Variants in TMEM201 observed in about 807,000 individuals in gnomAD.
The protein encoded by TMEM201 is transmembrane protein 201.
In TMEM201, 26 loss-of-function variants were observed where a neutral mutation model predicts 63.4. The observed-to-expected ratio is 0.41, with a 90% CI of 0.30 to 0.57. The LOEUF (loss-of-function observed/expected upper bound fraction) is 0.57. Among genes scored for constraint, TMEM201 ranks in the 20% least tolerant of loss-of-function variants. The probability of loss-of-function intolerance (pLI) is 0.29; values close to 1 mark genes in which losing one functional copy is unlikely to be tolerated. For missense variants in TMEM201, 794 were observed against 917.7 expected, an observed-to-expected ratio of 0.87 and a Z score of 1.74; for synonymous variants, 417 against 421.6, an observed-to-expected ratio of 0.99 and a Z score of 0.14.
Position 9,601,292 on chromosome 1 carries a change from CCCCTGGGG to C in TMEM201, c.797_804del (p.Pro266ArgfsTer20). On this transcript the variant is annotated frameshift_variant, in exon 5 of 11. Transcript: ENST00000340381. LOFTEE classifies it high-confidence loss of function. ...TCAGCCACACCTGACAATGGCACCA[CCCCTGGGG>C]CCGAGGGCTGGCGGCAGTTGCTGGG... 6.2e-7 allele frequency: 1 copy of C among 1,610,314 alleles called. No homozygotes were observed. The highest frequency in any genetic ancestry group is 8.5e-7 in the Non-Finnish European group (1 of 1,179,846).
Position 9,612,976 on chromosome 1 carries a change from T to C in TMEM201, c.1904-10T>C. The C allele has an allele frequency of 6.4e-7, 1 of 1,551,510 alleles. No homozygotes were observed. Among genetic ancestry groups the C allele is most frequent in the Non-Finnish European group, 8.7e-7 (1 of 1,146,898 alleles). On this transcript the variant is annotated splice_polypyrimidine_tract_variant and intron_variant, in intron 10 of 10. Coordinates refer to ENST00000340381, the MANE Select transcript of TMEM201 (RefSeq NM_001130924.3). ...CCAAACAATGTTCTGACCAGGTCTC[T>C]GCTTTGCAGGTCGTTTCGGCCCTTC...
Position 9,588,944 on chromosome 1 carries a change from G to A in TMEM201, c.14G>A (p.Ser5Asn). 1.6e-6 allele frequency: 2 copies of A among 1,284,284 alleles called. No homozygotes were observed. The highest frequency in any genetic ancestry group is 1.5e-5 in the South Asian group (1 of 67,638). 79.6% of individuals were successfully genotyped at this position (1,284,284 alleles called of 1,614,324 possible). Reference protein sequence around the residue: MEGVSALLARCPTAG... With the variant: MEGVNALLARCPTAG... The stretch of plus-strand genomic sequence containing the variant: ...ACGCGGAGAGCCATGGAGGGAGTGA[G>A]CGCGCTGCTGGCCCGCTGCCCCACG... The change falls in exon 1 of 11, where the codon AGC becomes AAC. Residue 5 changes from serine (S) to asparagine (N), a missense_variant. Transcript: ENST00000340381.
chr1:9,594,060 G>T (rs1315167689), intron 1 of TMEM201, among the ~76,000 whole-genome samples: 1 of 152,182 alleles, frequency 6.6e-6, no homozygotes, highest in Non-Finnish European at 1.5e-5. Flanking sequence ...TCCTAATGCC[G>T]AGCACTGAGC....
In TMEM201 at chr1:9,607,657, A is replaced by G. The variant is rs1163766374; in HGVS notation, c.1261A>G (p.Ser421Gly). 2 of 1,551,716 alleles carry G rather than the reference A, an allele frequency of 1.3e-6. No individual in the cohort carries two copies. Among genetic ancestry groups the G allele is most frequent in the African/African-American group, 1.4e-5 (1 of 73,072 alleles). ...CTCTCCAGCGTCTCTGTTCATCCCC[A>G]GCCCGCCCAGCTTCCTGCCCCTCGC... ...GGSPASLFIPSPPSFLPLANQ... is the reference protein window; with the variant it reads ...GGSPASLFIPGPPSFLPLANQ... The change falls in exon 7 of 11, where the codon AGC (serine) becomes GGC (glycine). Residue 421 changes from serine to glycine, a missense_variant. Ser to Gly is a moderately conservative substitution (Grantham distance 56, BLOSUM62 0). Coordinates refer to ENST00000340381, the MANE Select transcript of TMEM201 (RefSeq NM_001130924.3). This position sits in a 1 kb window ranked among gnomAD's most constrained non-coding sequence, Gnocchi z 5.4.
chr1:9,601,933 G>A (rs1644150640), intron 5 of TMEM201, 136 bp from the exon 6 acceptor site: 1 of 1,040,572 alleles, frequency 9.6e-7, no homozygotes, highest in East Asian at 2.6e-5. Context: ...AGTGTGAGGG[G>A]ATTCCGAGCC....
Position 9,597,005 on chromosome 1 carries a change from C to G in TMEM201, c.381C>G (p.His127Gln), listed in dbSNP as rs537651085. The G allele has an allele frequency of 6.2e-7, 1 of 1,611,916 alleles. No homozygotes were observed. Among genetic ancestry groups the G allele is most frequent in the African/African-American group, 1.3e-5 (1 of 75,048 alleles). Reference sequence around the variant, plus strand: ...TGCTGTGCAAGAGGTGCAACCACCACCAGACCACCAAGATCAAGCAGCTGG... The same window carrying G: ...TGCTGTGCAAGAGGTGCAACCACCAGCAGACCACCAAGATCAAGCAGCTGG... ...QVLLCKRCNHHQTTKIKQLAA... is the reference protein window; with the variant it reads ...QVLLCKRCNHQQTTKIKQLAA... The change falls in exon 3 of 11, where the codon CAC becomes CAG. Residue 127 changes from histidine (H) to glutamine (Q), a missense_variant. By Grantham distance (24) the His-to-Gln change is conservative. Coordinates refer to ENST00000340381, the MANE Select transcript of TMEM201 (RefSeq NM_001130924.3).
chr1:9,599,287 G>T (rs528617288), intron 4 of TMEM201, among the ~76,000 whole-genome samples: 1 of 149,012 alleles, frequency 6.7e-6, no homozygotes, highest in African/African-American at 2.5e-5. Context: ...TCACACTGTC[G>T]CCCAGGCTGG....
chr1:9,603,695 C>A lies in TMEM201; in HGVS notation c.1160+1423C>A, dbSNP rs934712411. The A allele has an allele frequency of 3.1e-5, 31 of 985,354 alleles. No homozygotes were observed. The highest frequency in any genetic ancestry group is 3.6e-5 in the Non-Finnish European group (30 of 829,956). 61.0% of individuals were successfully genotyped at this position (985,354 alleles called of 1,614,324 possible). A position where few individuals can be genotyped will look rare whatever the true frequency, so the allele number is the denominator to read the frequency against. ...GGTGCCAGGCCTCACTGCTGTGAATCTGCCACGCCTGGGGGTCCTAGAGGC... is the reference window on the plus strand; with the variant it reads ...GGTGCCAGGCCTCACTGCTGTGAATATGCCACGCCTGGGGGTCCTAGAGGC... On this transcript the variant is annotated intron_variant, in intron 6 of 10. Transcript: ENST00000340381. The surrounding 1 kb of genome is among the most constrained non-coding windows in gnomAD (Gnocchi z 4.5).
chr1:9,598,149 G>C (rs1644060950), intron 3 of TMEM201, among the ~76,000 whole-genome samples: 1 of 152,194 alleles, frequency 6.6e-6, no homozygotes. Flanking sequence ...TGCATCTGGG[G>C]AGCAGACCCT....
In TMEM201 at chr1:9,601,391, C is replaced by T. The variant is rs572715039; in HGVS notation, c.893C>T (p.Thr298Met). ...EAWAFGQSHQ[T>M]GVVALGLLTC... ...TGGGCCTTTGGGCAGAGCCACCAGA[C>T]GGGCGTCGTGGCACTGGGCCTACTC... Residue 298 changes from threonine (T) to methionine (M), a missense_variant, in exon 5 of 11, where the codon ACG (threonine) becomes ATG (methionine). By Grantham distance (81) the Thr-to-Met change is moderately conservative. Transcript: ENST00000340381. The T allele has an allele frequency of 7.5e-6, 12 of 1,603,180 alleles. No individual in the cohort carries two copies. Among genetic ancestry groups the T allele is most frequent in the Middle Eastern group, 1.7e-4 (1 of 6,054 alleles).
At position 9,603,527 on chromosome 1, in the gene TMEM201, C is replaced by G; in HGVS notation, c.1160+1255C>G. The G allele has an allele frequency of 1.0e-6, 1 of 985,578 alleles. No individual in the cohort carries two copies. Among genetic ancestry groups the G allele is most frequent in the Non-Finnish European group, 1.2e-6 (1 of 830,036 alleles). 61.1% of individuals were successfully genotyped at this position (985,578 alleles called of 1,614,324 possible). A position where few individuals can be genotyped will look rare whatever the true frequency, so the allele number is the denominator to read the frequency against. On this transcript the variant is annotated intron_variant, in intron 6 of 10. Transcript: ENST00000340381. The surrounding 1 kb of genome is among the most constrained non-coding windows in gnomAD (Gnocchi z 4.5). ...ATGTCCTGCCACTCGCCACTCTGAG[C>G]ACGAGTTCACCTTCCAGATGTGGCC...
rs942912003 is a variant in TMEM201, at chr1:9,608,344, C to T, written c.1393+555C>T. 6.6e-6 allele frequency among the ~76,000 whole-genome samples: 1 copy of T among 152,176 alleles called. No homozygotes were observed. The highest frequency in any genetic ancestry group is 1.5e-5 in the Non-Finnish European group (1 of 68,030). Reference sequence around the variant, plus strand: ...CATGACCTTGGGTAAATGTGTGCACCGTGCTGTGCCCTAATCTTTTCCTCT... The same window carrying T: ...CATGACCTTGGGTAAATGTGTGCACTGTGCTGTGCCCTAATCTTTTCCTCT... On this transcript the variant is annotated intron_variant, in intron 7 of 10. Coordinates refer to ENST00000340381, the MANE Select transcript of TMEM201 (RefSeq NM_001130924.3). This position sits in a 1 kb window ranked among gnomAD's most constrained non-coding sequence, Gnocchi z 4.3.
At position 9,603,120 on chromosome 1, in the gene TMEM201, C is replaced by T. The variant is rs1449405549; in HGVS notation, c.1160+848C>T. The T allele has an allele frequency of 2.0e-6, 2 of 985,354 alleles. No individual in the cohort carries two copies. The highest frequency in any genetic ancestry group is 1.1e-4 in the East Asian group (1 of 8,820). The allele number at this position is 985,354 out of a possible 1,614,324, so 61.0% of individuals were successfully genotyped here. ...TGACATCAGGTCGTTGTCATCCTTT[C>T]CCTCCCTGACCTGTCACGAGCCTCT... On this transcript the variant is annotated intron_variant, in intron 6 of 10. Transcript: ENST00000340381. The surrounding 1 kb of genome is among the most constrained non-coding windows in gnomAD (Gnocchi z 4.5).
At chr1:9,596,614 C>A (rs1164281156) in intron 2 of TMEM201, among the ~76,000 whole-genome samples, 1 of 152,140 alleles carries the variant, frequency 6.6e-6, no homozygotes, top group African/African-American at 2.4e-5. Flanking sequence ...TGTGGGTGGG[C>A]GGCGGGCTGC....
At chr1:9,612,163 A>C (rs545288748) in intron 10 of TMEM201, among the ~76,000 whole-genome samples, 25 of 152,352 alleles carry the variant, frequency 1.6e-4, no homozygotes, top group African/African-American at 6.0e-4. Context: ...AAATTAAATA[A>C]AGTTTGAAAT....
chr1:9,611,616 C>A, intron 9 of TMEM201, 137 bp from the exon 10 acceptor site: 1 of 1,136,506 alleles, frequency 8.8e-7, no homozygotes, highest in Admixed American at 2.1e-5. Flanking sequence ...CCCCACTGTC[C>A]AGGGTGGATG....
At chr1:9,599,064 C>T (rs1337231300) in intron 4 of TMEM201, among the ~76,000 whole-genome samples, 1 of 150,008 alleles carries the variant, frequency 6.7e-6, no homozygotes, top group Non-Finnish European at 1.5e-5. Context: ...TCTCAGCCTC[C>T]CGAGTAGCTG....
chr1:9,598,652 G>A (rs771596559), intron 4 of TMEM201, 27 bp downstream of exon 4: 2 of 1,596,846 alleles, frequency 1.3e-6, no homozygotes, highest in East Asian at 2.2e-5. Flanking sequence ...ACAGGGCGGG[G>A]GTGGGGGTGT....
rs1270124752 is a variant in TMEM201, at chr1:9,607,940, C to A, written c.1393+151C>A. On this transcript the variant is annotated intron_variant, in intron 7 of 10. Transcript: ENST00000340381. The surrounding 1 kb of genome is among the most constrained non-coding windows in gnomAD (Gnocchi z 5.4). ...CAGAGCTTTGAGCCTCAGTTCCCCC[C>A]AAAGAAATGGGGCTAGCTAGGAATA... is the stretch of plus-strand genomic sequence containing the variant. 6.6e-6 allele frequency among the ~76,000 whole-genome samples: 1 copy of A among 152,158 alleles called. No homozygotes were observed. Among genetic ancestry groups the A allele is most frequent in the African/African-American group, 2.4e-5 (1 of 41,416 alleles).
Sources: gnomAD v4.1 joint callset for allele counts (sites outside exome capture counted in the v4.1 genomes callset) on GRCh38, gnomAD v4.1.1 for gene constraint, Gnocchi (gnomAD v3.1) non-coding constraint, MANE v1.5 for transcripts, NCBI Gene and HGNC (gene_info 2026-07-23, HGNC 2026-07-21) for gene names.